The following PLA2G6 variants were observed in gnomAD, a reference collection of about 807,000 sequenced individuals.
The protein encoded by PLA2G6 is 85/88 kDa calcium-independent phospholipase A2.
PLA2G6 carries 62 observed loss-of-function variants against 83.8 expected under a neutral mutation model. The ratio of observed to expected loss-of-function variants is 0.74; its 90% confidence interval spans 0.60 to 0.91. PLA2G6 has a LOEUF of 0.91. Among genes scored for constraint, PLA2G6 ranks in the 40% least tolerant of loss-of-function variants. The pLI is 0.00. For missense variants in PLA2G6, 944 were observed against 1,102.0 expected (o/e 0.86, Z 2.03); for synonymous variants, 417 against 449.8 (o/e 0.93, Z 0.92).
chr22:38,143,040 C>A, intron 4 of PLA2G6, 65 bp downstream of exon 4: 1 of 1,492,708 alleles, frequency 6.7e-7, no homozygotes, highest in South Asian at 1.1e-5. Flanking sequence ...AGCCTAGGGG[C>A]CCAAAGGGAA....
At chr22:38,169,795 T>C (rs978149827) in intron 1 of PLA2G6, among the ~76,000 whole-genome samples, 3 of 152,218 alleles carry the variant, frequency 2.0e-5, no homozygotes, top group African/African-American at 7.2e-5. Flanking sequence ...GTGTGTGGTA[T>C]TGACCAAAGG....
At chr22:38,117,987 G>A (rs1363264994) in intron 12 of PLA2G6, among the ~76,000 whole-genome samples, 1 of 147,668 alleles carries the variant, frequency 6.8e-6, no homozygotes, top group East Asian at 2.0e-4. Flanking sequence ...AGTGAGCCGA[G>A]ATCGCGCCAC....
intron 2 of PLA2G6, among the ~76,000 whole-genome samples, chr22:38,156,691 G>A (rs2089794918): frequency 6.6e-6 from 1 of 152,080 alleles, no homozygotes; most frequent in East Asian, 1.9e-4. Context: ...CTGACCTCGT[G>A]ATCTGCCTGC....
At chr22:38,117,698 A>C (rs1404070096) in intron 12 of PLA2G6, among the ~76,000 whole-genome samples, 4 of 152,180 alleles carry the variant, frequency 2.6e-5, no homozygotes, top group Non-Finnish European at 4.4e-5. Context: ...AGCCTTAAAA[A>C]GGAAGGAAAT....
chr22:38,127,574 G>A, intron 9 of PLA2G6: 1 of 667,042 alleles, frequency 1.5e-6, no homozygotes, highest in Non-Finnish European at 2.4e-6. Flanking sequence ...TTCCAGGCTT[G>A]GTCGGGCTAC....
chr22:38,134,957 G>GCCCCCCCC, intron 6 of PLA2G6, 31 bp downstream of exon 6: 14 of 995,314 alleles, frequency 1.4e-5, no homozygotes, highest in East Asian at 4.9e-5. Context: ...CCGGCCCCCT[G>GCCCCCCCC]CCCCACCCAC....
At chr22:38,126,052 G>C (rs1486667146) in intron 10 of PLA2G6, among the ~76,000 whole-genome samples, 2 of 152,148 alleles carry the variant, frequency 1.3e-5, no homozygotes, top group Non-Finnish European at 2.9e-5. Flanking sequence ...GATCTCCCCA[G>C]GGGGGACCCA....
chr22:38,117,127 C>G (rs1006386699), intron 12 of PLA2G6, among the ~76,000 whole-genome samples: 4 of 133,488 alleles, frequency 3.0e-5, no homozygotes. Flanking sequence ...ACTAACTCTT[C>G]CAAGAAAAAT....
At chr22:38,161,466 C>T (rs965288816) in intron 2 of PLA2G6, among the ~76,000 whole-genome samples, 27 of 152,006 alleles carry the variant, frequency 1.8e-4, no homozygotes, top group Admixed American at 2.0e-4. Context: ...TACCATCACA[C>T]GAGGGATTGG....
rs1569304935 is a variant in PLA2G6 at position 38,174,320 on chromosome 22, C to T, written c.-45-4849G>A. On this transcript the variant is annotated intron_variant, in intron 1 of 16. Coordinates refer to ENST00000332509, the MANE Select transcript of PLA2G6 (RefSeq NM_003560.4). ...GGCTGAGGCAGGAGAATGGCGTGAA[C>T]CCGGGAGGCGGAGCTTGCAGTGAGC... Among the ~76,000 whole-genome samples the T allele has an allele frequency of 1.3e-5, 2 of 152,208 alleles. 1 individual carries two copies. The highest frequency in any genetic ancestry group is 4.2e-4 in the South Asian group (2 of 4,812).
At chr22:38,163,781 T>A (rs1299811217) in intron 2 of PLA2G6, 3 of 166,280 alleles carry the variant, frequency 1.8e-5, no homozygotes, top group Non-Finnish European at 4.4e-5. Flanking sequence ...CCTCCTTTTC[T>A]CGCAGAGACC....
Position 38,132,763 on chromosome 22 carries a change from C to T in PLA2G6, c.1077+68G>A. Reference sequence around the variant, plus strand: ...AGGGAGACAGTGGGGAGGAGGGCTCCAGTCCGGACAGCCCTCCTGCATTCC... The same window carrying T: ...AGGGAGACAGTGGGGAGGAGGGCTCTAGTCCGGACAGCCCTCCTGCATTCC... On this transcript the variant is annotated intron_variant, in intron 7 of 16. Transcript: ENST00000332509. The surrounding 1 kb of genome is among the most constrained non-coding windows in gnomAD (Gnocchi z 5.0). The T allele has an allele frequency of 7.4e-7, 1 of 1,342,322 alleles. No individual in the cohort carries two copies. Among genetic ancestry groups the T allele is most frequent in the South Asian group, 1.3e-5 (1 of 78,770 alleles). 83.2% of individuals were successfully genotyped at this position (1,342,322 alleles called of 1,614,324 possible).
At position 38,134,969 on chromosome 22, in the gene PLA2G6, C is replaced by CCCCAAA; in HGVS notation, c.894+18_894+19insTTTGGG. ...GGCCCGGCCCCCTGCCCCACCCACC[C>CCCCAAA]ACCTCAGGATCCACTCACCTCTGCG... On this transcript the variant is annotated intron_variant, in intron 6 of 16. Coordinates refer to ENST00000332509, the MANE Select transcript of PLA2G6 (RefSeq NM_003560.4). 5.7e-6 allele frequency: 8 copies of CCCCAAA among 1,415,012 alleles called. No individual in the cohort carries two copies. The highest frequency in any genetic ancestry group is 8.0e-6 in the Non-Finnish European group (8 of 1,001,090). 87.7% of individuals were successfully genotyped at this position (1,415,012 alleles called of 1,614,324 possible). A position where few individuals can be genotyped will look rare whatever the true frequency, so the allele number is the denominator to read the frequency against.
chr22:38,153,048 T>C (rs934473214), intron 2 of PLA2G6, among the ~76,000 whole-genome samples: 3 of 151,974 alleles, frequency 2.0e-5, no homozygotes, highest in African/African-American at 7.3e-5. Flanking sequence ...GAAGGAAATT[T>C]GGAGAATAAC....
intron 12 of PLA2G6, among the ~76,000 whole-genome samples, chr22:38,119,111 C>T (rs2087377148): frequency 1.3e-5 from 2 of 152,120 alleles, no homozygotes; most frequent in Admixed American, 1.3e-4. Context: ...ATGCTTGTAT[C>T]CACTTCTCTC....
intron 2 of PLA2G6, among the ~76,000 whole-genome samples, chr22:38,164,594 T>C (rs1046191448): frequency 6.6e-6 from 1 of 152,178 alleles, no homozygotes; most frequent in Non-Finnish European, 1.5e-5. Flanking sequence ...CTCTCCGGCC[T>C]TAGGTTATAC....
intron 11 of PLA2G6, among the ~76,000 whole-genome samples, chr22:38,122,050 C>G (rs536953167): frequency 1.3e-5 from 2 of 152,284 alleles, no homozygotes; most frequent in African/African-American, 4.8e-5. Flanking sequence ...GGCAACTTGA[C>G]AGATGACTCT....
intron 12 of PLA2G6, among the ~76,000 whole-genome samples, chr22:38,120,480 G>C (rs2087459426): frequency 6.6e-6 from 1 of 151,002 alleles, no homozygotes; most frequent in Non-Finnish European, 1.5e-5. Context: ...GCAGAGCCAG[G>C]CAGGGCAGAG....
intron 5 of PLA2G6, chr22:38,138,362 G>C (rs2088683439): frequency 6.6e-6 from 1 of 152,412 alleles, no homozygotes; most frequent in Non-Finnish European, 1.5e-5. Flanking sequence ...AAGGAAAGGA[G>C]GGTTTGTCCA....
Sources: gnomAD v4.1 joint callset for allele counts (sites outside exome capture counted in the v4.1 genomes callset) on GRCh38, gnomAD v4.1.1 for gene constraint, Gnocchi (gnomAD v3.1) non-coding constraint, MANE v1.5 for transcripts, NCBI Gene and HGNC (gene_info 2026-07-23, HGNC 2026-07-21) for gene names.